ATG4B: variants seen among roughly 807,000 people sequenced by gnomAD.
The protein encoded by ATG4B is autophagy related 4B cysteine peptidase.
ATG4B carries 29 observed loss-of-function variants against 56.6 expected under a neutral mutation model. The observed-to-expected ratio is 0.51, with a 90% CI of 0.38 to 0.70. The LOEUF is 0.70. Ranked by LOEUF, ATG4B falls within the 30% of genes least tolerant of loss-of-function variation. The pLI is 0.00. For synonymous variants in ATG4B, 224 were observed against 206.1 expected, an observed-to-expected ratio of 1.09 and a Z score of -0.74; for missense variants, 461 against 515.5, an observed-to-expected ratio of 0.89 and a Z score of 1.02.
intron 12 of ATG4B, chr2:241,671,838 TG>T: frequency 7.8e-7 from 1 of 1,276,956 alleles, no homozygotes; most frequent in Non-Finnish European, 1.0e-6. Flanking sequence ...TGAGTGGCCG[TG>T]AGCGCGTCCT....
chr2:241,653,250 G>A, intron 3 of ATG4B: 1 of 1,277,680 alleles, frequency 7.8e-7, no homozygotes, highest in Non-Finnish European at 1.1e-6. Flanking sequence ...TCATATGTTT[G>A]TCAGACATTC....
chr2:241,668,346 C>A lies in ATG4B; in HGVS notation c.811+125C>A. ...TGGAAAAGCAGCATGCCCTGGGGTT[C>A]ATTTTCAGCCTGGTCGCGGGCGGCC... On this transcript the variant is annotated intron_variant, in intron 9 of 12. Transcript: ENST00000404914. The surrounding 1 kb of genome is among the most constrained non-coding windows in gnomAD (Gnocchi z 4.2). 1 of 1,383,980 alleles carries A rather than the reference C, an allele frequency of 7.2e-7. No homozygotes were observed. The highest frequency in any genetic ancestry group is 2.0e-5 in the Admixed American group (1 of 49,038). The allele number at this position is 1,383,980 out of a possible 1,614,324, so 85.7% of individuals were successfully genotyped here.
chr2:241,651,484 G>C lies in ATG4B; in HGVS notation c.184+149G>C, dbSNP rs1236800023. Reference sequence around the variant, plus strand: ...TTAACTGAATTGGCCGAGGCCTCACGTGTAGTAGTGGCAAAGCTAGAATCC... The same window carrying C: ...TTAACTGAATTGGCCGAGGCCTCACCTGTAGTAGTGGCAAAGCTAGAATCC... On this transcript the variant is annotated intron_variant, in intron 3 of 12. Coordinates refer to ENST00000404914, the MANE Select transcript of ATG4B (RefSeq NM_013325.5). This position sits in a 1 kb window ranked among gnomAD's most constrained non-coding sequence, Gnocchi z 4.1. 4 of 691,360 alleles carry C rather than the reference G, an allele frequency of 5.8e-6. No individual in the cohort carries two copies. In the African/African-American group the frequency reaches 7.2e-5, roughly 12 times the overall value. The allele number at this position is 691,360 out of a possible 1,614,324, so 42.8% of individuals were successfully genotyped here.
rs1237125437 is a variant in ATG4B, at chr2:241,651,034, G to A, written c.35G>A (p.Arg12Gln). The change falls in exon 2 of 13, where the codon CGG (arginine) becomes CAG (glutamine). Residue 12 changes from arginine (R) to glutamine (Q), a missense_variant. Transcript: ENST00000404914. The surrounding 1 kb of genome is among the most constrained non-coding windows in gnomAD (Gnocchi z 4.1). ...GCTACTCTGACCTACGACACTCTCCGGTTTGCTGAGTTTGAAGATTTTCCT... is the reference window on the plus strand; with the variant it reads ...GCTACTCTGACCTACGACACTCTCCAGTTTGCTGAGTTTGAAGATTTTCCT... ...DAATLTYDTLRFAEFEDFPET... is the reference protein window; with the variant it reads ...DAATLTYDTLQFAEFEDFPET... 44 of 1,613,722 alleles carry A rather than the reference G, an allele frequency of 2.7e-5. No individual in the cohort carries two copies. The highest frequency in any genetic ancestry group is 3.5e-5 in the Non-Finnish European group (41 of 1,179,854).
Position 241,668,632 on chromosome 2 carries a change from C to T in ATG4B, c.904C>T (p.Gln302Ter). The change falls in exon 10 of 13, where the codon CAG (glutamine) becomes TAG (stop). Residue 302 changes from glutamine (Q) to a stop codon, truncating the protein, a stop_gained. Transcript: ENST00000404914. LOFTEE classifies it high-confidence loss of function. The surrounding 1 kb of genome is among the most constrained non-coding windows in gnomAD (Gnocchi z 4.2). ...CFIPDESFHC[Q>*]HPPCRMSIAE... Reference sequence around the variant, plus strand: ...CATCCCGGACGAGAGCTTCCACTGCCAGCACCCGCCGTGCCGCATGAGCAT... The same window carrying T: ...CATCCCGGACGAGAGCTTCCACTGCTAGCACCCGCCGTGCCGCATGAGCAT... 1 of 1,579,048 alleles carries T rather than the reference C, an allele frequency of 6.3e-7. No individual in the cohort carries two copies. The highest frequency in any genetic ancestry group is 8.6e-7 in the Non-Finnish European group (1 of 1,162,306).
At chr2:241,670,831 C>T (rs1164958491) in intron 11 of ATG4B, 49 bp downstream of exon 11, 5 of 1,565,558 alleles carry the variant, frequency 3.2e-6, no homozygotes, top group Non-Finnish European at 4.3e-6. Flanking sequence ...CCCAGGGAGA[C>T]AGGCAGTGGG....
At chr2:241,645,963 C>T (rs1383020689) in intron 1 of ATG4B, among the ~76,000 whole-genome samples, 2 of 152,094 alleles carry the variant, frequency 1.3e-5, no homozygotes, top group Non-Finnish European at 2.9e-5. Context: ...GGCTGCGCCA[C>T]TCCTGTTCAC....
chr2:241,660,206 G>C (rs1422267608), intron 7 of ATG4B, among the ~76,000 whole-genome samples: 2 of 152,102 alleles, frequency 1.3e-5, no homozygotes, highest in African/African-American at 4.8e-5. Flanking sequence ...CCAAAAAAAA[G>C]ACCTCATTCA....
chr2:241,662,930 C>T (rs1012053671), intron 7 of ATG4B, among the ~76,000 whole-genome samples: 3 of 152,034 alleles, frequency 2.0e-5, no homozygotes, highest in Admixed American at 6.6e-5. Context: ...CGCCTATAAT[C>T]CCAACTTCAA....
chr2:241,673,770 A>G lies in ATG4B; in HGVS notation c.*1506A>G, dbSNP rs1012562982. On this transcript the variant is annotated 3_prime_UTR_variant, in exon 13 of 13. Transcript: ENST00000404914. ...GGAGCTTTGTCTCGTGTGTTTTGAA[A>G]AAGGCTTAATGAAGAGAATGTTGTT... is the stretch of plus-strand genomic sequence containing the variant. 53 of 454,658 alleles carry G rather than the reference A, an allele frequency of 1.2e-4. No individual in the cohort carries two copies. In the Admixed American group the frequency reaches 1.2e-3, roughly 10 times the overall value. The allele number at this position is 454,658 out of a possible 1,614,324, so 28.2% of individuals were successfully genotyped here.
intron 1 of ATG4B, among the ~76,000 whole-genome samples, chr2:241,644,664 T>G (rs1249188045): frequency 6.6e-6 from 1 of 151,940 alleles, no homozygotes; most frequent in Non-Finnish European, 1.5e-5. Context: ...AAATCAGAAG[T>G]GTCGGCCGGT....
chr2:241,664,835 A>T (rs2068710880), intron 7 of ATG4B, among the ~76,000 whole-genome samples: 1 of 152,134 alleles, frequency 6.6e-6, no homozygotes, highest in Non-Finnish European at 1.5e-5. Context: ...GTGGTGACAC[A>T]CACCTGTAAT....
At chr2:241,642,218 T>C (rs2067912058) in intron 1 of ATG4B, among the ~76,000 whole-genome samples, 1 of 150,812 alleles carries the variant, frequency 6.6e-6, no homozygotes, top group African/African-American at 2.4e-5. Flanking sequence ...CAGGCTGGAG[T>C]GCGGTGGGCG....
At chr2:241,666,872 C>T (rs2068794371) in intron 8 of ATG4B, 34 bp downstream of exon 8, 3 of 1,531,714 alleles carry the variant, frequency 2.0e-6, no homozygotes, top group African/African-American at 2.7e-5. Flanking sequence ...GCCCTGAGTC[C>T]CCGTCCCCTT....
At chr2:241,671,271 C>T (rs2068959434) in intron 11 of ATG4B, 41 bp from the exon 12 acceptor site, 2 of 1,566,158 alleles carry the variant, frequency 1.3e-6, no homozygotes, top group Non-Finnish European at 1.7e-6. Context: ...GCAGCAAGCA[C>T]TGGGGTGAGG....
At chr2:241,648,322 T>A (rs1320893532) in intron 1 of ATG4B, among the ~76,000 whole-genome samples, 1 of 151,570 alleles carries the variant, frequency 6.6e-6, no homozygotes, top group Admixed American at 6.6e-5. Context: ...GGGGGCCAGG[T>A]GCAGTGGCTC....
chr2:241,659,454 G>A (rs1045529946), intron 7 of ATG4B: 7 of 521,452 alleles, frequency 1.3e-5, no homozygotes, highest in Non-Finnish European at 2.3e-5. Context: ...GTTACAAATC[G>A]TTTATGAAGG....
intron 3 of ATG4B, chr2:241,653,310 G>A: frequency 6.5e-7 from 1 of 1,547,178 alleles, no homozygotes; most frequent in Non-Finnish European, 8.7e-7. Flanking sequence ...TTTTGAGGAG[G>A]TTGTCGGGAC....
chr2:241,660,996 G>A (rs2068574090), intron 7 of ATG4B, among the ~76,000 whole-genome samples: 1 of 152,218 alleles, frequency 6.6e-6, no homozygotes, highest in South Asian at 2.1e-4. Context: ...TAGCACTGGT[G>A]GGAGTGTTGG....
Sources: gnomAD v4.1 joint callset for allele counts (sites outside exome capture counted in the v4.1 genomes callset) on GRCh38, gnomAD v4.1.1 for gene constraint, Gnocchi (gnomAD v3.1) non-coding constraint, MANE v1.5 for transcripts, NCBI Gene and HGNC (gene_info 2026-07-23, HGNC 2026-07-21) for gene names.